Variants in MACROD2 observed in about 807,000 individuals in gnomAD.
The protein encoded by MACROD2 is ADP-ribose glycohydrolase MACROD2.
A neutral mutation model predicts 70.4 loss-of-function variants in MACROD2; 36 were observed. That is an observed-to-expected ratio of 0.51 (90% CI 0.39 to 0.68). MACROD2 has a LOEUF of 0.68. Ranked by LOEUF, MACROD2 falls within the 30% of genes least tolerant of loss-of-function variation. The pLI is 0.00. For missense variants in MACROD2, 496 were observed against 538.4 expected, an observed-to-expected ratio of 0.92 and a Z score of 0.78; for synonymous variants, 172 against 178.8, an observed-to-expected ratio of 0.96 and a Z score of 0.30.
intron 8 of MACROD2, among the ~76,000 whole-genome samples, chr20:15,503,735 T>A (rs1341403751): frequency 6.6e-6 from 1 of 152,214 alleles, no homozygotes; most frequent in Non-Finnish European, 1.5e-5. Flanking sequence ...GGCCCCATCA[T>A]GACTGTGTCT....
intron 5 of MACROD2, among the ~76,000 whole-genome samples, chr20:15,183,089 A>G (rs2076511289): frequency 1.3e-5 from 2 of 152,140 alleles, no homozygotes; most frequent in Admixed American, 6.5e-5. Context: ...TCTTGCCTTT[A>G]TTAGCCCACA....
chr20:15,508,393 C>T (rs2047455660), intron 8 of MACROD2, among the ~76,000 whole-genome samples: 1 of 151,714 alleles, frequency 6.6e-6, no homozygotes, highest in Non-Finnish European at 1.5e-5. Context: ...AGAAAGAGTT[C>T]TAGGAGGTAT....
intron 5 of MACROD2, among the ~76,000 whole-genome samples, chr20:14,940,334 A>C (rs1482027956): frequency 6.6e-6 from 1 of 152,060 alleles, no homozygotes; most frequent in African/African-American, 2.4e-5. Flanking sequence ...ACCCTGTCTC[A>C]AAAACAAAAC....
At chr20:15,733,361 T>G (rs1278792967) in intron 8 of MACROD2, among the ~76,000 whole-genome samples, 1 of 152,178 alleles carries the variant, frequency 6.6e-6, no homozygotes, top group Non-Finnish European at 1.5e-5. Context: ...ATTTCTACTC[T>G]AATTTTTAGT....
intron 5 of MACROD2, among the ~76,000 whole-genome samples, chr20:14,866,665 A>T (rs956351138): frequency 5.3e-5 from 8 of 152,120 alleles, no homozygotes; most frequent in African/African-American, 1.9e-4. Flanking sequence ...CACTACTATT[A>T]CATATTGGGC....
intron 4 of MACROD2, among the ~76,000 whole-genome samples, chr20:14,679,959 A>C (rs1456067664): frequency 1.3e-5 from 2 of 152,172 alleles, no homozygotes; most frequent in Non-Finnish European, 2.9e-5. Flanking sequence ...AATAAGAGAG[A>C]TTCTATTTGT....
At chr20:15,972,923 G>A (rs1311985944) in intron 13 of MACROD2, among the ~76,000 whole-genome samples, 1 of 152,084 alleles carries the variant, frequency 6.6e-6, no homozygotes. Flanking sequence ...GAGAAGGTAT[G>A]AAAGCATATA....
chr20:15,625,726 T>G (rs2049191558), intron 8 of MACROD2, among the ~76,000 whole-genome samples: 1 of 151,982 alleles, frequency 6.6e-6, no homozygotes, highest in African/African-American at 2.4e-5. Context: ...GTTAGAAAAC[T>G]TAGGCTGCAC....
intron 4 of MACROD2, among the ~76,000 whole-genome samples, chr20:14,609,998 C>T (rs1210537552): frequency 4.6e-5 from 7 of 151,876 alleles, no homozygotes; most frequent in Non-Finnish European, 8.8e-5. Flanking sequence ...TCATGTATAC[C>T]GCAGGGTTTT....
intron 2 of MACROD2, among the ~76,000 whole-genome samples, chr20:14,065,202 T>G (rs1317965211): frequency 6.6e-6 from 1 of 152,186 alleles, no homozygotes; most frequent in Non-Finnish European, 1.5e-5. Flanking sequence ...CTTAAATTCT[T>G]TGTGTGTGGA....
intron 10 of MACROD2, among the ~76,000 whole-genome samples, chr20:15,922,037 C>T (rs375207848): frequency 4.0e-4 from 61 of 152,334 alleles, no homozygotes; most frequent in African/African-American, 1.4e-3. Flanking sequence ...CTCCCCAGCA[C>T]CTCAGTATTG....
intron 3 of MACROD2, among the ~76,000 whole-genome samples, chr20:14,193,985 T>C (rs1323148249): frequency 1.3e-5 from 2 of 152,162 alleles, no homozygotes; most frequent in Non-Finnish European, 2.9e-5. Context: ...GAAGGTCCAA[T>C]TGAAGGAGTG....
At chr20:14,882,282 C>G (rs1039223800) in intron 5 of MACROD2, among the ~76,000 whole-genome samples, 1 of 152,156 alleles carries the variant, frequency 6.6e-6, no homozygotes, top group African/African-American at 2.4e-5. Flanking sequence ...GCAACTATCC[C>G]ATTCCCTGTG....
chr20:14,320,663 A>ATTTT (rs11087086), intron 3 of MACROD2, among the ~76,000 whole-genome samples: 2 of 123,664 alleles, frequency 1.6e-5, no homozygotes, highest in South Asian at 2.9e-4. Flanking sequence ...CACCTTTGGA[A>ATTTT]TTTTTTTTTT....
At chr20:15,966,633 T>G (rs973546496) in intron 12 of MACROD2, among the ~76,000 whole-genome samples, 3 of 152,170 alleles carry the variant, frequency 2.0e-5, no homozygotes, top group African/African-American at 7.2e-5. Context: ...TCCTAGCTAC[T>G]ACAGAGGCCA....
At chr20:14,334,025 A>G (rs2082891456) in intron 3 of MACROD2, among the ~76,000 whole-genome samples, 1 of 152,234 alleles carries the variant, frequency 6.6e-6, no homozygotes, top group Admixed American at 6.5e-5. Context: ...TGATTTAAAC[A>G]GAATAATACC....
intron 6 of MACROD2, among the ~76,000 whole-genome samples, chr20:15,326,649 C>G (rs1399841936): frequency 6.6e-6 from 1 of 152,072 alleles, no homozygotes; most frequent in East Asian, 1.9e-4. Context: ...GAATATTGTA[C>G]TCACATTTGG....
intron 5 of MACROD2, among the ~76,000 whole-genome samples, chr20:14,923,133 T>C (rs1399968285): frequency 6.6e-6 from 1 of 152,144 alleles, no homozygotes; most frequent in Non-Finnish European, 1.5e-5. Context: ...ATTTCTTCAC[T>C]TGAATTCCTC....
chr20:15,143,631 A>G (rs374558862), intron 5 of MACROD2, among the ~76,000 whole-genome samples: 26 of 151,970 alleles, frequency 1.7e-4, no homozygotes, highest in African/African-American at 6.3e-4. Flanking sequence ...AAGTACTATT[A>G]TGCTCTCCAA....
Sources: allele counts gnomAD v4.1 joint callset (sites outside exome capture counted in the v4.1 genomes callset), GRCh38; gene constraint gnomAD v4.1.1; transcripts MANE v1.5; gene names NCBI Gene and HGNC (gene_info 2026-07-23, HGNC 2026-07-21).